Variants in RNF217 observed in about 807,000 individuals in gnomAD.
RNF217 encodes E3 ubiquitin-protein ligase RNF217.
RNF217 carries 31 observed loss-of-function variants against 57.8 expected under a neutral mutation model. That is an observed-to-expected ratio of 0.54 (90% confidence interval 0.40 to 0.72). The LOEUF (loss-of-function observed/expected upper bound fraction) is 0.72. Among genes scored for constraint, RNF217 ranks in the 30% least tolerant of loss-of-function variants. The pLI, the probability that RNF217 is intolerant of heterozygous loss-of-function variation, is 0.00. For missense variants in RNF217, 696 were observed against 708.3 expected, an observed-to-expected ratio of 0.98 and a Z score of 0.20; for synonymous variants, 313 against 294.0, an observed-to-expected ratio of 1.06 and a Z score of -0.66.
chr6:124,979,317 G>T (rs1784075417), intron 1 of RNF217, among the ~76,000 whole-genome samples: 1 of 152,184 alleles, frequency 6.6e-6, no homozygotes, highest in South Asian at 2.1e-4. Flanking sequence ...AATGGTTGTT[G>T]CTGCACAGGG....
At position 125,089,400 on chromosome 6, in the gene RNF217, G is replaced by A. The variant is rs916270907; in HGVS notation, c.*6463G>A. The A allele has an allele frequency of 1.4e-4, 21 of 152,158 alleles. No individual in the cohort carries two copies. The highest frequency in any genetic ancestry group is 2.4e-4 in the African/African-American group (10 of 41,436). 9.4% of individuals were successfully genotyped at this position (152,158 alleles called of 1,614,324 possible). ...TTTATGGTCTTTGTTTCAGCAAAAC[G>A]TCCTACAGCTTGGACTTGGGGTGGA... is the stretch of plus-strand genomic sequence containing the variant. On this transcript the variant is annotated 3_prime_UTR_variant, in exon 6 of 6. Transcript: ENST00000521654.
intron 1 of RNF217, among the ~76,000 whole-genome samples, chr6:125,002,220 A>G: frequency 6.6e-6 from 1 of 152,112 alleles, no homozygotes; most frequent in East Asian, 1.9e-4. Context: ...GTCTGTTGCT[A>G]CTGAGTGTGA....
chr6:124,962,877 G>T lies in RNF217; in HGVS notation c.333G>T (p.Glu111Asp). The T allele has an allele frequency of 6.3e-7, 1 of 1,598,122 alleles. No individual in the cohort carries two copies. The highest frequency in any genetic ancestry group is 8.5e-7 in the Non-Finnish European group (1 of 1,179,678). The change falls in exon 1 of 6, where the codon GAG (glutamate) becomes GAT (aspartate). Residue 111 changes from glutamate (E) to aspartate (D), a missense_variant. Glu to Asp is a conservative substitution (Grantham distance 45). Transcript: ENST00000521654. This position sits in a 1 kb window ranked among gnomAD's most constrained non-coding sequence, Gnocchi z 4.6. The stretch of plus-strand genomic sequence containing the variant: ...TGCAGTTGGAGCTGGAGGAGGAAGA[G>T]GAGGAAGCTGGGGATCGAAAAGAGG... ...LPLQLELEEE[E>D]EEAGDRKEGG...
chr6:125,027,140 T>C (rs1258267824), intron 1 of RNF217, among the ~76,000 whole-genome samples: 1 of 152,164 alleles, frequency 6.6e-6, no homozygotes. Flanking sequence ...CAAGTATTTA[T>C]CCTTTGAGTT....
chr6:125,065,368 A>G (rs1195284211), intron 3 of RNF217, among the ~76,000 whole-genome samples: 3 of 152,074 alleles, frequency 2.0e-5, no homozygotes, highest in Non-Finnish European at 2.9e-5. Context: ...CTAACTTAAG[A>G]TATTTCAAAC....
At chr6:125,068,077 A>T (rs1230966590) in intron 3 of RNF217, among the ~76,000 whole-genome samples, 1 of 152,144 alleles carries the variant, frequency 6.6e-6, no homozygotes, top group Non-Finnish European at 1.5e-5. Context: ...GTGTTTTTTT[A>T]AAAAGTATTT....
chr6:124,986,917 C>T (rs992309883), intron 1 of RNF217, among the ~76,000 whole-genome samples: 5 of 152,072 alleles, frequency 3.3e-5, no homozygotes, highest in Non-Finnish European at 7.4e-5. Flanking sequence ...TGGGGTTGAA[C>T]ATTAATGTTT....
intron 1 of RNF217, among the ~76,000 whole-genome samples, chr6:124,966,099 A>G (rs1488952307): frequency 6.6e-6 from 1 of 152,220 alleles, no homozygotes; most frequent in East Asian, 1.9e-4. Context: ...CTTAAAGCGG[A>G]CAAAAGTAAC....
chr6:125,057,362 C>A (rs522238), intron 2 of RNF217, among the ~76,000 whole-genome samples: 53,233 of 151,748 alleles, frequency 0.35, 9,683 homozygotes, highest in Non-Finnish European at 0.4. Flanking sequence ...TTATATTTTT[C>A]GTAGAGATGG....
intron 3 of RNF217, among the ~76,000 whole-genome samples, chr6:125,059,167 G>A (rs2114590789): frequency 6.6e-6 from 1 of 152,274 alleles, no homozygotes; most frequent in East Asian, 1.9e-4. Flanking sequence ...GAAATAACGT[G>A]TTGCATTTTT....
At chr6:124,991,685 A>T (rs964210309) in intron 1 of RNF217, among the ~76,000 whole-genome samples, 1 of 152,190 alleles carries the variant, frequency 6.6e-6, no homozygotes, top group African/African-American at 2.4e-5. Flanking sequence ...CAATTTTGTA[A>T]ATCATTTTTT....
At chr6:125,035,972 A>G (rs929489593) in intron 1 of RNF217, among the ~76,000 whole-genome samples, 20 of 151,888 alleles carry the variant, frequency 1.3e-4, no homozygotes, top group African/African-American at 3.6e-4. Context: ...GGATTGTTAC[A>G]TAGGTATACA....
intron 1 of RNF217, among the ~76,000 whole-genome samples, chr6:124,995,698 G>C (rs1018534088): frequency 1.3e-5 from 2 of 152,086 alleles, no homozygotes; most frequent in Non-Finnish European, 2.9e-5. Context: ...GAGGTGGGTG[G>C]ATCACCTGAG....
intron 1 of RNF217, among the ~76,000 whole-genome samples, chr6:124,976,287 T>TTTGCTCTC (rs1466671986): frequency 5.2e-4 from 14 of 26,758 alleles, no homozygotes; most frequent in Non-Finnish European, 1.7e-4. Flanking sequence ...CTCTCTCTCC[T>TTTGCTCTC]TTCCTCCCTT....
chr6:125,044,781 G>A (rs1486417281), intron 1 of RNF217, among the ~76,000 whole-genome samples: 1 of 152,036 alleles, frequency 6.6e-6, no homozygotes, highest in Non-Finnish European at 1.5e-5. Flanking sequence ...TAGTGCTGAA[G>A]TATTCTGCAG....
At chr6:125,023,446 A>G (rs1411307336) in intron 1 of RNF217, among the ~76,000 whole-genome samples, 1 of 152,210 alleles carries the variant, frequency 6.6e-6, no homozygotes, top group Non-Finnish European at 1.5e-5. Context: ...AGTGCTCCAG[A>G]GAAGAGGGCA....
intron 1 of RNF217, among the ~76,000 whole-genome samples, chr6:125,032,272 G>A (rs1786394328): frequency 6.6e-6 from 1 of 152,088 alleles, no homozygotes; most frequent in Admixed American, 6.5e-5. Context: ...AAAGATATGG[G>A]ATAGAAACTG....
intron 2 of RNF217, among the ~76,000 whole-genome samples, chr6:125,054,151 T>C (rs504637): frequency 0.031 from 4,644 of 152,200 alleles, 237 homozygotes; most frequent in African/African-American, 0.1. Flanking sequence ...TCTACATCCC[T>C]AATGGAAGTT....
At chr6:125,080,358 C>T (rs1788527852) in intron 4 of RNF217, among the ~76,000 whole-genome samples, 1 of 152,124 alleles carries the variant, frequency 6.6e-6, no homozygotes, top group South Asian at 2.1e-4. Flanking sequence ...GTCTGGTCAT[C>T]TGGTTCCAAA....
Sources: allele counts gnomAD v4.1 joint callset (sites outside exome capture counted in the v4.1 genomes callset), GRCh38; gene constraint gnomAD v4.1.1; non-coding constraint Gnocchi (gnomAD v3.1); transcripts MANE v1.5; gene names NCBI Gene and HGNC (gene_info 2026-07-23, HGNC 2026-07-21).